Variants in EMG1 observed in about 807,000 individuals in gnomAD.
EMG1 encodes EMG1 N1-specific pseudouridine methyltransferase.
Under a neutral mutation model 26.9 loss-of-function variants are expected in EMG1, and 24 were observed. That is an observed-to-expected ratio of 0.89 (90% confidence interval 0.65 to 1.26). The LOEUF (loss-of-function observed/expected upper bound fraction) is 1.26, where lower values mean the gene tolerates loss of function less well. EMG1 is among the 50% of genes most tolerant of loss of function. EMG1 has a pLI of 0.00. For synonymous variants in EMG1, 140 were observed against 112.6 expected (o/e 1.24, Z -1.54); for missense variants, 299 against 307.6 (o/e 0.97, Z 0.21).
chr12:6,971,246 C>T (rs1468878260), intron 1 of EMG1, among the ~76,000 whole-genome samples, 155 bp downstream of exon 1: 1 of 151,644 alleles, frequency 6.6e-6, no homozygotes, highest in East Asian at 1.9e-4. Flanking sequence ...GATTTGACAT[C>T]CTGGGATGGT....
At chr12:6,971,201 C>G (rs921125150) in intron 1 of EMG1, 110 bp downstream of exon 1, 4 of 884,356 alleles carry the variant, frequency 4.5e-6, no homozygotes, top group South Asian at 1.5e-5. Flanking sequence ...GTGAAAGATG[C>G]TTTTGAAGGA....
Position 6,979,667 on chromosome 12 carries a change from T to C in EMG1, c.*3858T>C. 1 of 901,834 alleles carries C rather than the reference T, an allele frequency of 1.1e-6. No individual in the cohort carries two copies. The highest frequency in any genetic ancestry group is 2.5e-5 in the East Asian group (1 of 39,962). The allele number at this position is 901,834 out of a possible 1,614,324, so 55.9% of individuals were successfully genotyped here. A position where few individuals can be genotyped will look rare whatever the true frequency, so the allele number is the denominator to read the frequency against. On this transcript the variant is annotated 3_prime_UTR_variant, in exon 6 of 6. Transcript: ENST00000599672. ...ACCTTCAGTTATGGAGAGGAGTGTT[T>C]AGGGGTGTGGTTGTCTACCTGGAAT...
intron 7 of EMG1, among the ~76,000 whole-genome samples, chr12:6,995,720 T>G (rs1754661525): frequency 6.6e-6 from 1 of 152,056 alleles, no homozygotes; most frequent in African/African-American, 2.4e-5. Context: ...CGGGGTAATC[T>G]TCCTTCAGCT....
chr12:6,977,305 C>T lies in EMG1; in HGVS notation c.*1496C>T. ...ACTAAGGTAGACAGGCCTGGAGTGT[C>T]CTTTGCAACCTTTGAGGTTGCAGTG... is the stretch of plus-strand genomic sequence containing the variant. On this transcript the variant is annotated 3_prime_UTR_variant, in exon 6 of 6. Transcript: ENST00000599672. This position sits in a 1 kb window ranked among gnomAD's most constrained non-coding sequence, Gnocchi z 4.5. The T allele has an allele frequency of 1.2e-6, 2 of 1,611,664 alleles. No homozygotes were observed. Among genetic ancestry groups the T allele is most frequent in the Non-Finnish European group, 1.7e-6 (2 of 1,177,872 alleles).
At chr12:6,981,306 G>T (rs1480875912), downstream of EMG1, 8 of 796,858 alleles carry the variant, frequency 1.0e-5, no homozygotes, top group African/African-American at 6.9e-5. Context: ...CTCTTTGGGG[G>T]ATGACAAATA....
downstream of EMG1, chr12:6,983,467 G>A (rs142588176): frequency 9.3e-6 from 15 of 1,612,252 alleles, no homozygotes; most frequent in Admixed American, 1.3e-4. Context: ...GCCTGTAAAG[G>A]TATGGAAGAG....
chr12:6,974,403 G>A lies in EMG1; in HGVS notation c.233G>A (p.Arg78Gln), dbSNP rs782693598. ...KHKSILLKNGRDPGEARPDIT... is the reference protein window; with the variant it reads ...KHKSILLKNGQDPGEARPDIT... ...AAGTCTATATTGTTGAAGAATGGAC[G>A]GGACCCTGGGGAAGCGCGGCCAGAT... Residue 78 changes from arginine (R) to glutamine (Q), a missense_variant, in exon 2 of 6, where the codon CGG (arginine) becomes CAG (glutamine). Coordinates refer to ENST00000599672, the MANE Select transcript of EMG1 (RefSeq NM_006331.8). The A allele has an allele frequency of 4.3e-5, 69 of 1,613,666 alleles. No homozygotes were observed. Among genetic ancestry groups the A allele is most frequent in the Non-Finnish European group, 5.7e-5 (67 of 1,179,762 alleles).
At position 6,978,523 on chromosome 12, in the gene EMG1, T is replaced by A. The variant is rs371533790; in HGVS notation, c.*2714T>A. The A allele has an allele frequency of 1.2e-6, 2 of 1,611,762 alleles. No homozygotes were observed. Among genetic ancestry groups the A allele is most frequent in the Non-Finnish European group, 1.7e-6 (2 of 1,178,322 alleles). ...ATACTCCTTCCTGAGAGGGAATAGC[T>A]CAGTTAGGGCTCTTGCCACTCCCCA... On this transcript the variant is annotated 3_prime_UTR_variant, in exon 6 of 6. Coordinates refer to ENST00000599672, the MANE Select transcript of EMG1 (RefSeq NM_006331.8).
In EMG1 at chr12:6,974,618, C is replaced by G. The variant is rs199566199; in HGVS notation, c.337C>G (p.Gln113Glu). ...CTTGCTACAGGTTTATATCCATACA[C>G]AGAAGAATGTTCTGATTGAAGTGAA... ...AGLLQVYIHTQKNVLIEVNPQ... is the reference protein window; with the variant it reads ...AGLLQVYIHTEKNVLIEVNPQ... Residue 113 changes from glutamine (Q) to glutamate (E), a missense_variant, in exon 3 of 6, where the codon CAG (glutamine) becomes GAG (glutamate). Gln to Glu is a conservative substitution (Grantham distance 29, BLOSUM62 2). Transcript: ENST00000599672. 19 of 1,613,996 alleles carry G rather than the reference C, an allele frequency of 1.2e-5. No homozygotes were observed. The African/African-American group carries it at 2.0e-4, about 17-fold the overall frequency.
intron 6 of EMG1, among the ~76,000 whole-genome samples, chr12:6,985,444 G>A (rs1398752569): frequency 1.3e-5 from 2 of 151,814 alleles, no homozygotes; most frequent in Admixed American, 1.3e-4. Flanking sequence ...CTGGTGCAGT[G>A]GCTCACGCCT....
chr12:6,972,290 G>A (rs782687953), intron 1 of EMG1, among the ~76,000 whole-genome samples: 1 of 152,264 alleles, frequency 6.6e-6, no homozygotes, highest in South Asian at 2.1e-4. Flanking sequence ...ATTCATTCAA[G>A]AAGGTTTTTT....
In EMG1 at chr12:6,976,128, AGAGAACCCTGAT is replaced by A; in HGVS notation, c.*322_*333del. ...CTCCCAGATTCCCATGTGCTAAAGG[AGAGAACCCTGAT>A]GATGGAGAAGAACTGTGAAAGAGAG... On this transcript the variant is annotated 3_prime_UTR_variant, in exon 6 of 6. Coordinates refer to ENST00000599672, the MANE Select transcript of EMG1 (RefSeq NM_006331.8). The A allele has an allele frequency of 3.9e-6, 1 of 254,714 alleles. No homozygotes were observed. Among genetic ancestry groups the A allele is most frequent in the Non-Finnish European group, 7.6e-6 (1 of 132,156 alleles). The allele number at this position is 254,714 out of a possible 1,614,324, so 15.8% of individuals were successfully genotyped here.
At chr12:6,992,894 C>G (rs782459001), downstream of EMG1, among the ~76,000 whole-genome samples, 1 of 152,282 alleles carries the variant, frequency 6.6e-6, no homozygotes, top group Non-Finnish European at 1.5e-5. Flanking sequence ...TTCACATACA[C>G]TTTAAATCAT....
chr12:6,975,773 TACC>T lies in EMG1; in HGVS notation c.702_704del (p.Thr235del). ...CTGCTGCCCTCACCTGTGCAAAACT[TACC>T]ACAGCCTTTGAGGAAGTATGGGGGG... On this transcript the variant is annotated inframe_deletion, in exon 6 of 6. Transcript: ENST00000599672. 6.2e-7 allele frequency: 1 copy of T among 1,613,092 alleles called. No individual in the cohort carries two copies. The highest frequency in any genetic ancestry group is 8.5e-7 in the Non-Finnish European group (1 of 1,179,064).
intron 5 of EMG1, 121 bp from the exon 6 acceptor site, chr12:6,975,575 G>T: frequency 1.0e-6 from 1 of 973,336 alleles, no homozygotes; most frequent in Non-Finnish European, 1.7e-6. Flanking sequence ...ATCCTTTGTA[G>T]GGATTTGATA....
chr12:6,973,187 TTTTC>T (rs1187622369), intron 1 of EMG1, among the ~76,000 whole-genome samples: 1 of 150,780 alleles, frequency 6.6e-6, no homozygotes, highest in Admixed American at 6.6e-5. Context: ...AGTCTTTCTT[TTTTC>T]TTTTTTTTGA....
exon 8 of EMG1, chr12:6,997,419 G>GTGTC (rs1320231319): frequency 6.8e-6 from 1 of 147,798 alleles, no homozygotes; most frequent in Non-Finnish European, 1.4e-5. Flanking sequence ...GTGTGTGTGT[G>GTGTC]TGTGTGTGTT....
downstream of EMG1, chr12:6,981,684 T>C (rs782466053): frequency 6.8e-7 from 1 of 1,480,068 alleles, no homozygotes; most frequent in Non-Finnish European, 9.2e-7. Context: ...ACACTGAGGA[T>C]GTGGCCTGTA....
rs1555153714 is a variant in EMG1 at position 6,979,071 on chromosome 12, C to G, written c.*3262C>G. The G allele has an allele frequency of 3.4e-6, 1 of 296,098 alleles. No individual in the cohort carries two copies. Among genetic ancestry groups the G allele is most frequent in the African/African-American group, 2.2e-5 (1 of 45,850 alleles). The allele number at this position is 296,098 out of a possible 1,614,324, so 18.3% of individuals were successfully genotyped here. Reference sequence around the variant, plus strand: ...ACTGTTTTCAAGCCTTTCAGCTGGGCAGGAGCAAAAGCCAGCACTTCCCCC... The same window carrying G: ...ACTGTTTTCAAGCCTTTCAGCTGGGGAGGAGCAAAAGCCAGCACTTCCCCC... On this transcript the variant is annotated 3_prime_UTR_variant, in exon 6 of 6. Coordinates refer to ENST00000599672, the MANE Select transcript of EMG1 (RefSeq NM_006331.8).
Sources: gnomAD v4.1 joint callset for allele counts (sites outside exome capture counted in the v4.1 genomes callset) on GRCh38, gnomAD v4.1.1 for gene constraint, Gnocchi (gnomAD v3.1) non-coding constraint, MANE v1.5 for transcripts, NCBI Gene and HGNC (gene_info 2026-07-23, HGNC 2026-07-21) for gene names.